TAF12: variants seen among roughly 807,000 people sequenced by gnomAD.
The protein encoded by TAF12 is transcription initiation factor TFIID subunit 12.
A neutral mutation model predicts 20.8 loss-of-function variants in TAF12; 3 were observed. That is an observed-to-expected ratio of 0.14 (90% CI 0.07 to 0.37). The LOEUF is 0.37. Among genes scored for constraint, TAF12 ranks in the 10% least tolerant of loss-of-function variants. The pLI is 1.00. For missense variants in TAF12, 131 were observed against 197.9 expected, an observed-to-expected ratio of 0.66 and a Z score of 2.03; for synonymous variants, 69 against 70.2, an observed-to-expected ratio of 0.98 and a Z score of 0.09.
At chr1:28,610,941 C>G (rs1228595761) in intron 4 of TAF12, among the ~76,000 whole-genome samples, 1 of 124,376 alleles carries the variant, frequency 8.0e-6, no homozygotes, top group Non-Finnish European at 1.6e-5. Context: ...GCCTGGGCAA[C>G]AGAGTGAGAC....
At chr1:28,647,253 T>G (rs926138066), upstream of TAF12, among the ~76,000 whole-genome samples, 45 of 152,190 alleles carry the variant, frequency 3.0e-4, no homozygotes, top group African/African-American at 1.0e-3. Flanking sequence ...AACATCTCTG[T>G]GCTGTTTCAA....
intron 1 of TAF12, among the ~76,000 whole-genome samples, chr1:28,626,308 A>G (rs1667389581): frequency 6.6e-6 from 1 of 151,238 alleles, no homozygotes; most frequent in Non-Finnish European, 1.5e-5. Context: ...GGCTGGGCAC[A>G]GTGGCTCACG....
intron 1 of TAF12, among the ~76,000 whole-genome samples, chr1:28,635,351 G>A (rs1173135897): frequency 2.3e-5 from 3 of 131,496 alleles, no homozygotes; most frequent in African/African-American, 8.6e-5. Flanking sequence ...TGTCGCCCAG[G>A]CTACAGTGCA....
At position 28,622,214 on chromosome 1, in the gene TAF12, G is replaced by T. The variant is rs1667242786; in HGVS notation, c.-84-49C>A. ...TAGCTCTAGAAGAACCTGTAATAAAGGATGAATCTTGAGAGTAAAAAGAGG... is the reference window on the plus strand; with the variant it reads ...TAGCTCTAGAAGAACCTGTAATAAATGATGAATCTTGAGAGTAAAAAGAGG... On this transcript the variant is annotated intron_variant, in intron 1 of 5. Coordinates refer to ENST00000373824, the MANE Select transcript of TAF12 (RefSeq NM_005644.4). 5.6e-6 allele frequency: 8 copies of T among 1,425,654 alleles called. No individual in the cohort carries two copies. The East Asian group carries it at 2.1e-4, about 37-fold the overall frequency. 88.3% of individuals were successfully genotyped at this position (1,425,654 alleles called of 1,614,324 possible).
intron 1 of TAF12, among the ~76,000 whole-genome samples, chr1:28,625,537 A>ATT (rs753920655): frequency 1.7e-3 from 221 of 133,372 alleles, no homozygotes; most frequent in African/African-American, 3.4e-3. Flanking sequence ...CACCCAGCTA[A>ATT]TTTTTTTTTT....
intron 1 of TAF12, 88 bp downstream of exon 1, chr1:28,642,904 G>A (rs1438007281): frequency 1.0e-6 from 1 of 985,984 alleles, no homozygotes; most frequent in Non-Finnish European, 1.2e-6. Flanking sequence ...TCCACAACCT[G>A]GTCCTTCGAA....
chr1:28,636,847 T>G lies in TAF12; in HGVS notation c.-85+6145A>C, dbSNP rs137866027. 8.4e-3 allele frequency among the ~76,000 whole-genome samples: 1,274 copies of G among 151,700 alleles called. 15 individuals are homozygous for G. Among genetic ancestry groups the G allele is most frequent in the African/African-American group, 0.029 (1,201 of 41,334 alleles). On this transcript the variant is annotated intron_variant, in intron 1 of 5. Coordinates refer to ENST00000373824, the MANE Select transcript of TAF12 (RefSeq NM_005644.4). Reference sequence around the variant, plus strand: ...ATACTGCTCAATGCAGTGGAGCACATGTATAATCCCAGCTACTATGGGGTC... The same window carrying G: ...ATACTGCTCAATGCAGTGGAGCACAGGTATAATCCCAGCTACTATGGGGTC...
At chr1:28,611,347 T>G (rs1248328784) in intron 4 of TAF12, among the ~76,000 whole-genome samples, 1 of 152,082 alleles carries the variant, frequency 6.6e-6, no homozygotes, top group Non-Finnish European at 1.5e-5. Context: ...ACGGAAGATA[T>G]GAAGCCTTCC....
intron 1 of TAF12, among the ~76,000 whole-genome samples, chr1:28,634,440 C>T (rs1244792941): frequency 2.0e-5 from 3 of 149,200 alleles, no homozygotes; most frequent in Non-Finnish European, 3.0e-5. Flanking sequence ...AAAAAAACCC[C>T]ACAAAAAACA....
Position 28,643,053 on chromosome 1 carries a change from G to A in TAF12, c.-146C>T, listed in dbSNP as rs902697227. The A allele has an allele frequency of 6.1e-6, 6 of 985,892 alleles. No individual in the cohort carries two copies. Among genetic ancestry groups the A allele is most frequent in the Non-Finnish European group, 7.2e-6 (6 of 829,954 alleles). 61.1% of individuals were successfully genotyped at this position (985,892 alleles called of 1,614,324 possible). A position where few individuals can be genotyped will look rare whatever the true frequency, so the allele number is the denominator to read the frequency against. ...CTGCCCCAGTGAAGCGTTCGTCTCA[G>A]CAGCCGGTCCGACTGCGCGGCCCTC... On this transcript the variant is annotated 5_prime_UTR_variant, in exon 1 of 6. Coordinates refer to ENST00000373824, the MANE Select transcript of TAF12 (RefSeq NM_005644.4).
chr1:28,622,599 TAAACTAGGGCCGC>T (rs1667254368), intron 1 of TAF12, among the ~76,000 whole-genome samples: 1 of 151,970 alleles, frequency 6.6e-6, no homozygotes, highest in South Asian at 2.1e-4. Context: ...TGTACAAAAA[TAAACTAGGGCCGC>T]GTGCAGTAGC....
upstream of TAF12, among the ~76,000 whole-genome samples, chr1:28,645,823 C>T (rs1039196053): frequency 5.3e-5 from 8 of 151,856 alleles, no homozygotes; most frequent in Admixed American, 2.0e-4. Flanking sequence ...AAAAATTAGC[C>T]GGGTGTAGTG....
rs58772752 is a variant in TAF12, at chr1:28,639,426, C to CAAAAAAAAAAAA, written c.-85+3554_-85+3565dup. Among the ~76,000 whole-genome samples the CAAAAAAAAAAAA allele has an allele frequency of 1.8e-4, 16 of 89,510 alleles. 1 individual carries two copies. Among genetic ancestry groups the CAAAAAAAAAAAA allele is most frequent in the East Asian group, 5.9e-4 (2 of 3,386 alleles). 58.7% of individuals were successfully genotyped at this position (89,510 alleles called of 152,430 possible). ...AGTGAAAGAGCGAAACTCCGTCTCA[C>CAAAAAAAAAAAA]AAAAAAAAAAAAAAAGGTAATATGT... On this transcript the variant is annotated intron_variant, in intron 1 of 5. Coordinates refer to ENST00000373824, the MANE Select transcript of TAF12 (RefSeq NM_005644.4).
chr1:28,609,901 C>G (rs1191577314), intron 4 of TAF12, among the ~76,000 whole-genome samples: 1 of 152,188 alleles, frequency 6.6e-6, no homozygotes, highest in Non-Finnish European at 1.5e-5. Context: ...TCCCTGTACC[C>G]CCTTCCCCTT....
chr1:28,610,918 C>T (rs1000945829), intron 4 of TAF12, among the ~76,000 whole-genome samples: 9 of 148,896 alleles, frequency 6.0e-5, no homozygotes, highest in Non-Finnish European at 1.3e-4. Flanking sequence ...CAAGATTGCG[C>T]CACTGCACTC....
At chr1:28,634,561 C>T (rs1347287984) in intron 1 of TAF12, among the ~76,000 whole-genome samples, 2 of 152,042 alleles carry the variant, frequency 1.3e-5, no homozygotes, top group Non-Finnish European at 2.9e-5. Flanking sequence ...AAAGTCCACC[C>T]CCCAGTGATT....
At chr1:28,621,037 C>T (rs1667205959) in intron 2 of TAF12, among the ~76,000 whole-genome samples, 1 of 152,148 alleles carries the variant, frequency 6.6e-6, no homozygotes, top group African/African-American at 2.4e-5. Context: ...GTTACTTTTA[C>T]TCCTTTATTA....
In TAF12 at chr1:28,631,182, T is replaced by G. The variant is rs931663168; in HGVS notation, c.-84-9017A>C. On this transcript the variant is annotated intron_variant, in intron 1 of 5. Transcript: ENST00000373824. ...GGCTTGTGGGGGAGGAAAAAATTTT[T>G]TTTTTCAAAATTCAACAATAAGAAA... Among the ~76,000 whole-genome samples, 3 of 152,012 alleles carry G rather than the reference T, an allele frequency of 2.0e-5. No homozygotes were observed. In the East Asian group the frequency reaches 5.8e-4, roughly 29 times the overall value.
chr1:28,619,899 A>C (rs1049604834), intron 2 of TAF12, among the ~76,000 whole-genome samples: 1 of 151,440 alleles, frequency 6.6e-6, no homozygotes. Context: ...CAGTGAGCCA[A>C]GATTATGCCA....
Sources: gnomAD v4.1 joint callset for allele counts (sites outside exome capture counted in the v4.1 genomes callset) on GRCh38, gnomAD v4.1.1 for gene constraint, MANE v1.5 for transcripts, NCBI Gene and HGNC (gene_info 2026-07-23, HGNC 2026-07-21) for gene names.